The following DTL variants were observed in gnomAD, a reference collection of about 807,000 sequenced individuals.
DTL encodes the protein denticleless E3 ubiquitin protein ligase adapter, also known as denticleless protein homolog.
In DTL, 46 loss-of-function variants were observed where a neutral mutation model predicts 87.0. The observed-to-expected ratio is 0.53, with a 90% CI of 0.42 to 0.68. The LOEUF (loss-of-function observed/expected upper bound fraction) is 0.68, where lower values mean the gene tolerates loss of function less well. Ranked by LOEUF, DTL falls within the 30% of genes least tolerant of loss-of-function variation. The pLI, the probability that DTL is intolerant of heterozygous loss-of-function variation, is 0.00. For synonymous variants in DTL, 308 were observed against 311.2 expected (o/e 0.99, Z 0.11); for missense variants, 737 against 869.4 (o/e 0.85, Z 1.91).
In DTL at chr1:212,100,617, G is replaced by T. The variant is rs1186220211; in HGVS notation, c.1627G>T (p.Ala543Ser). The T allele has an allele frequency of 1.2e-6, 2 of 1,613,884 alleles. No individual in the cohort carries two copies. Among genetic ancestry groups the T allele is most frequent in the African/African-American group, 2.7e-5 (2 of 74,862 alleles). ...PVSQKSSQAE[A>S]CSESRNRVKR... is the part of the protein sequence containing the mutation. ...GAGCCAGAAGTCATCCCAAGCAGAG[G>T]CTTGCTCTGAGTCTAGAAATAGAGT... is the stretch of plus-strand genomic sequence containing the variant. Residue 543 changes from alanine (A) to serine (S), a missense_variant, in exon 14 of 15, where the codon GCT becomes TCT. Physicochemically the swap from Ala to Ser is moderately conservative, Grantham distance 99. Coordinates refer to ENST00000366991, the MANE Select transcript of DTL (RefSeq NM_016448.4).
intron 12 of DTL, among the ~76,000 whole-genome samples, chr1:212,079,120 T>TA (rs1262605240): frequency 6.6e-6 from 1 of 152,124 alleles, no homozygotes; most frequent in African/African-American, 2.4e-5. Context: ...TCCTTATTGT[T>TA]ACCATTTCTG....
chr1:212,097,787 T>C (rs1655493844), intron 13 of DTL, among the ~76,000 whole-genome samples: 1 of 152,210 alleles, frequency 6.6e-6, no homozygotes, highest in Non-Finnish European at 1.5e-5. Context: ...TAGGGGTGGT[T>C]ATAGAACCTT....
chr1:212,081,365 A>G (rs1343067564), intron 13 of DTL, among the ~76,000 whole-genome samples: 1 of 152,226 alleles, frequency 6.6e-6, no homozygotes, highest in Non-Finnish European at 1.5e-5. Context: ...AGAGGCTAGC[A>G]TGGCTGGCCC....
In DTL at chr1:212,066,868, A is replaced by T. The variant is rs771090129; in HGVS notation, c.696A>T (p.Ser232=). ...VLFQDENTLV[S]AGAVDGIIKV... is the part of the protein sequence containing the mutation. ...TTCAAGACGAGAATACCTTAGTCTC[A>T]GCAGGAGCTGTGGATGGGTAAGAGT... is the stretch of plus-strand genomic sequence containing the variant. Residue 232 remains serine (S), a synonymous_variant, in exon 8 of 15, where the codon TCA becomes TCT. Transcript: ENST00000366991. The T allele has an allele frequency of 6.8e-6, 11 of 1,613,450 alleles. No homozygotes were observed. In the South Asian group the frequency reaches 1.1e-4, roughly 16 times the overall value.
At chr1:212,070,196 C>T (rs1654629868) in intron 10 of DTL, among the ~76,000 whole-genome samples, 1 of 152,124 alleles carries the variant, frequency 6.6e-6, no homozygotes, top group South Asian at 2.1e-4. Flanking sequence ...TGAAAAGGTC[C>T]TTGAGTTTAG....
rs183343977 is a variant in DTL, at chr1:212,066,639, A to C, written c.640-173A>C. On this transcript the variant is annotated intron_variant, in intron 7 of 14. Transcript: ENST00000366991. Reference sequence around the variant, plus strand: ...TATTAACACTGTATACTAAAACTTAATGATCCTTGCTAAAATTACCTCTTG... The same window carrying C: ...TATTAACACTGTATACTAAAACTTACTGATCCTTGCTAAAATTACCTCTTG... Among the ~76,000 whole-genome samples the C allele has an allele frequency of 1.2e-4, 19 of 152,352 alleles. 1 individual carries two copies. The highest frequency in any genetic ancestry group is 1.2e-3 in the Admixed American group (19 of 15,304).
chr1:212,094,802 G>A (rs1655395948), intron 13 of DTL, among the ~76,000 whole-genome samples: 1 of 152,166 alleles, frequency 6.6e-6, no homozygotes, highest in African/African-American at 2.4e-5. Flanking sequence ...AGTTTTCCTT[G>A]TAGAGGTCTT....
intron 1 of DTL, among the ~76,000 whole-genome samples, chr1:212,039,611 A>G (rs898861617): frequency 5.3e-5 from 8 of 152,344 alleles, no homozygotes; most frequent in Admixed American, 4.6e-4. Context: ...TGAGAAATGC[A>G]TCATTAGGTG....
intron 11 of DTL, chr1:212,077,604 AAGTT>A (rs1654867843): frequency 6.5e-6 from 1 of 153,324 alleles, no homozygotes; most frequent in South Asian, 2.1e-4. Context: ...GGTTTTGTAA[AAGTT>A]AGTGACCAGC....
At chr1:212,096,086 G>A (rs1417740667) in intron 13 of DTL, among the ~76,000 whole-genome samples, 4 of 28,342 alleles carry the variant, frequency 1.4e-4, no homozygotes, top group African/African-American at 4.1e-4. Context: ...TTTCTTCCTG[G>A]TTTAATCTAG....
At chr1:212,074,899 C>T (rs1051232656) in intron 11 of DTL, among the ~76,000 whole-genome samples, 7 of 152,110 alleles carry the variant, frequency 4.6e-5, no homozygotes, top group Admixed American at 2.6e-4. Context: ...ATAATATATT[C>T]GGGCTGATAT....
chr1:212,035,911 C>G lies in DTL; in HGVS notation c.21C>G (p.Leu7=). 6.2e-7 allele frequency: 1 copy of G among 1,614,152 alleles called. No individual in the cohort carries two copies. Among genetic ancestry groups the G allele is most frequent in the Non-Finnish European group, 8.5e-7 (1 of 1,180,020 alleles). The part of the protein sequence containing the change: MLFNSV[L]RQPQLGVLRN... ...CCCTGATGCTCTTCAATTCGGTGCT[C>G]CGCCAGCCCCAGCTTGGCGTCCTGA... The change falls in exon 1 of 15, where the codon CTC becomes CTG. Residue 7 remains leucine, a synonymous_variant. Coordinates refer to ENST00000366991, the MANE Select transcript of DTL (RefSeq NM_016448.4).
At chr1:212,059,101 T>C (rs1244760575) in intron 5 of DTL, among the ~76,000 whole-genome samples, 2 of 152,228 alleles carry the variant, frequency 1.3e-5, no homozygotes, top group East Asian at 3.9e-4. Flanking sequence ...ACCAAACTTT[T>C]AAAGAACTAA....
At chr1:212,094,950 A>C (rs1389156251) in intron 13 of DTL, among the ~76,000 whole-genome samples, 1 of 152,156 alleles carries the variant, frequency 6.6e-6, no homozygotes, top group African/African-American at 2.4e-5. Flanking sequence ...TGTATCCTGA[A>C]ACCTAACAGA....
intron 1 of DTL, among the ~76,000 whole-genome samples, chr1:212,038,463 C>G (rs1667549825): frequency 6.6e-6 from 1 of 152,208 alleles, no homozygotes; most frequent in South Asian, 2.1e-4. Flanking sequence ...TTATTTAAAC[C>G]TGCCAGAAAC....
chr1:212,091,507 A>C (rs1173761284), intron 13 of DTL, among the ~76,000 whole-genome samples: 1 of 152,212 alleles, frequency 6.6e-6, no homozygotes, highest in African/African-American at 2.4e-5. Context: ...TCCAATGTTC[A>C]CTGCAGCACT....
At chr1:212,049,073 C>A (rs899776338) in intron 5 of DTL, among the ~76,000 whole-genome samples, 1 of 152,174 alleles carries the variant, frequency 6.6e-6, no homozygotes, top group Admixed American at 6.5e-5. Flanking sequence ...CAGGCGTGTA[C>A]CACCACGCCC....
chr1:212,047,168 A>G lies in DTL; in HGVS notation c.295A>G (p.Asn99Asp). 1 of 1,614,168 alleles carries G rather than the reference A, an allele frequency of 6.2e-7. No individual in the cohort carries two copies. Among genetic ancestry groups the G allele is most frequent in the South Asian group, 1.1e-5 (1 of 91,088 alleles). Residue 99 changes from asparagine to aspartate, a missense_variant, in exon 4 of 15, where the codon AAT becomes GAT. Transcript: ENST00000366991. ...TTGTTTAGAATGGATGGCTCACTGGAATGCCGTCTTTGACCTGGCCTGGGT... is the reference window on the plus strand; with the variant it reads ...TTGTTTAGAATGGATGGCTCACTGGGATGCCGTCTTTGACCTGGCCTGGGT... ...KCFKEWMAHW[N>D]AVFDLAWVPG...
chr1:212,050,876 TAATTATCA>T (rs1186881810), intron 5 of DTL, among the ~76,000 whole-genome samples: 1 of 152,188 alleles, frequency 6.6e-6, no homozygotes, highest in African/African-American at 2.4e-5. Context: ...ATTAATTATC[TAATTATCA>T]GAAAGCACGA....
Sources: allele counts gnomAD v4.1 joint callset (sites outside exome capture counted in the v4.1 genomes callset), GRCh38; gene constraint gnomAD v4.1.1; transcripts MANE v1.5; gene names NCBI Gene and HGNC (gene_info 2026-07-23, HGNC 2026-07-21).